ZBTB7C: variants seen among roughly 807,000 people sequenced by gnomAD.
ZBTB7C encodes zinc finger and BTB domain-containing protein 7C.
A neutral mutation model predicts 25.7 loss-of-function variants in ZBTB7C; 8 were observed. The ratio of observed to expected loss-of-function variants is 0.31; its 90% CI spans 0.18 to 0.56. The LOEUF is 0.56. Among genes scored for constraint, ZBTB7C ranks in the 20% least tolerant of loss-of-function variants. The probability of loss-of-function intolerance (pLI) is 0.91; values close to 1 mark genes in which losing one functional copy is unlikely to be tolerated. For missense variants in ZBTB7C, 824 were observed against 855.2 expected, an observed-to-expected ratio of 0.96 and a Z score of 0.46; for synonymous variants, 394 against 369.0, an observed-to-expected ratio of 1.07 and a Z score of -0.78.
intron 2 of ZBTB7C, among the ~76,000 whole-genome samples, chr18:48,303,609 C>A (rs2045596062): frequency 1.3e-5 from 2 of 152,150 alleles, no homozygotes; most frequent in Non-Finnish European, 2.9e-5. Context: ...CCGAGAAAAG[C>A]TTAGAAGAAG....
intron 4 of ZBTB7C, 80 bp downstream of exon 4, chr18:48,039,820 C>T: frequency 6.8e-7 from 1 of 1,476,882 alleles, no homozygotes. Flanking sequence ...TCTGTCTCCA[C>T]CGCCAGCCTC....
chr18:48,311,845 A>G (rs2045828585), intron 2 of ZBTB7C, among the ~76,000 whole-genome samples: 1 of 152,212 alleles, frequency 6.6e-6, no homozygotes, highest in African/African-American at 2.4e-5. Context: ...AAAAGCAGCC[A>G]TTTTAGACCA....
chr18:48,181,198 A>C (rs1035126422), intron 3 of ZBTB7C, among the ~76,000 whole-genome samples: 2 of 152,188 alleles, frequency 1.3e-5, no homozygotes, highest in Non-Finnish European at 2.9e-5. Flanking sequence ...CCATGGGGAA[A>C]GCAGATAGTA....
At chr18:48,050,943 CTATTTT>C (rs2036661522) in intron 3 of ZBTB7C, among the ~76,000 whole-genome samples, 1 of 152,126 alleles carries the variant, frequency 6.6e-6, no homozygotes, top group African/African-American at 2.4e-5. Context: ...ATTATTTTGC[CTATTTT>C]GCCAACGAGA....
At chr18:48,392,238 A>C (rs1417004796) in intron 1 of ZBTB7C, among the ~76,000 whole-genome samples, 1 of 152,152 alleles carries the variant, frequency 6.6e-6, no homozygotes, top group East Asian at 1.9e-4. Context: ...GTGTCTAATA[A>C]ATACTTGTAT....
chr18:48,132,874 G>C (rs766622955), intron 3 of ZBTB7C, among the ~76,000 whole-genome samples: 1 of 152,202 alleles, frequency 6.6e-6, no homozygotes, highest in East Asian at 1.9e-4. Flanking sequence ...TGTGTACAAC[G>C]CATATGTGTA....
chr18:48,375,921 G>T (rs114658209), intron 1 of ZBTB7C, among the ~76,000 whole-genome samples: 480 of 152,308 alleles, frequency 3.2e-3, no homozygotes, highest in African/African-American at 0.011. Flanking sequence ...GAGACCTTAG[G>T]CAAGTCATTT....
Position 48,255,245 on chromosome 18 carries a change from G to A in ZBTB7C, c.-78-69250C>T, listed in dbSNP as rs527303307. ...GAGAAAAAGCCAATCAATCCAAACT[G>A]ACCCAGAACTTACAATTAGCAGAGA... On this transcript the variant is annotated intron_variant, in intron 2 of 4. Transcript: ENST00000590800. 5.9e-5 allele frequency among the ~76,000 whole-genome samples: 9 copies of A among 152,222 alleles called. No individual in the cohort carries two copies. In the South Asian group the frequency reaches 1.9e-3, roughly 32 times the overall value.
At chr18:48,166,583 C>A (rs2041252571) in intron 3 of ZBTB7C, among the ~76,000 whole-genome samples, 1 of 152,154 alleles carries the variant, frequency 6.6e-6, no homozygotes, top group African/African-American at 2.4e-5. Context: ...CCCCTGGTCC[C>A]CAGCAGGTAG....
chr18:48,066,644 C>T (rs1288638190), intron 3 of ZBTB7C, among the ~76,000 whole-genome samples: 1 of 152,116 alleles, frequency 6.6e-6, no homozygotes, highest in Non-Finnish European at 1.5e-5. Context: ...TATAGCTTCC[C>T]CCTCCCCTGT....
intron 2 of ZBTB7C, among the ~76,000 whole-genome samples, chr18:48,210,149 T>A (rs575176317): frequency 1.3e-5 from 2 of 152,202 alleles, no homozygotes; most frequent in South Asian, 4.2e-4. Context: ...ATGGCTAGAA[T>A]CAAAAAGTCA....
chr18:48,130,248 T>G (rs1001288191), intron 3 of ZBTB7C, among the ~76,000 whole-genome samples: 46 of 152,212 alleles, frequency 3.0e-4, no homozygotes, highest in African/African-American at 1.1e-3. Context: ...TTTAGTCACT[T>G]TGTCATTTAC....
chr18:48,128,809 A>G (rs1429291681), intron 3 of ZBTB7C, among the ~76,000 whole-genome samples: 1 of 152,342 alleles, frequency 6.6e-6, no homozygotes, highest in African/African-American at 2.4e-5. Flanking sequence ...TCACCACTAT[A>G]TAATTCAGCC....
At chr18:48,212,724 T>C (rs917033164) in intron 2 of ZBTB7C, among the ~76,000 whole-genome samples, 3 of 152,104 alleles carry the variant, frequency 2.0e-5, no homozygotes, top group African/African-American at 7.3e-5. Context: ...TTGTGATTCA[T>C]AGCTGAGTGG....
chr18:48,029,455 CTG>C lies in ZBTB7C; in HGVS notation c.1663_1664del (p.Gln555AspfsTer12), dbSNP rs1568154808. 2 of 1,598,098 alleles carry C rather than the reference CTG, an allele frequency of 1.3e-6. No homozygotes were observed. The stretch of plus-strand genomic sequence containing the variant: ...GCTGCGCGCGCCCGAACAGCTTCAT[CTG>C]TGTCTCCTCGAACTGCCGCTCCAGC... ...QELERQFEETQMKLFGRAQLE... is the reference protein window; with the variant it reads ...QELERQFEETXMKLFGRAQLE... On this transcript the variant is annotated frameshift_variant, in exon 5 of 5. Coordinates refer to ENST00000590800, the MANE Select transcript of ZBTB7C (RefSeq NM_001318841.2). LOFTEE classifies it high-confidence loss of function.
At chr18:48,265,842 T>A (rs1430879280) in intron 2 of ZBTB7C, among the ~76,000 whole-genome samples, 1 of 152,316 alleles carries the variant, frequency 6.6e-6, no homozygotes, top group East Asian at 1.9e-4. Flanking sequence ...CAACTTGCTG[T>A]ACCATGTGAT....
intron 3 of ZBTB7C, among the ~76,000 whole-genome samples, chr18:48,082,791 A>G (rs1048357421): frequency 2.0e-5 from 3 of 152,124 alleles, no homozygotes; most frequent in African/African-American, 7.2e-5. Context: ...AGAGGCCTAG[A>G]GCAAGGCCTA....
chr18:48,278,266 G>A (rs1024113743), intron 2 of ZBTB7C, among the ~76,000 whole-genome samples: 1 of 152,110 alleles, frequency 6.6e-6, no homozygotes, highest in Non-Finnish European at 1.5e-5. Context: ...AGAGAATGAG[G>A]GGCCATGCAG....
chr18:48,172,372 C>T (rs893022131), intron 3 of ZBTB7C, among the ~76,000 whole-genome samples: 3 of 152,104 alleles, frequency 2.0e-5, no homozygotes, highest in Non-Finnish European at 2.9e-5. Context: ...GGAGGGCTGG[C>T]GGCTGGGAAT....
Sources: gnomAD v4.1 joint callset for allele counts (sites outside exome capture counted in the v4.1 genomes callset) on GRCh38, gnomAD v4.1.1 for gene constraint, MANE v1.5 for transcripts, NCBI Gene and HGNC (gene_info 2026-07-23, HGNC 2026-07-21) for gene names.